FGGY: variants seen among roughly 807,000 people sequenced by gnomAD.
FGGY encodes FGGY carbohydrate kinase domain-containing protein.
Under a neutral mutation model 71.3 loss-of-function variants are expected in FGGY, and 72 were observed. The observed-to-expected ratio is 1.01, with a 90% CI of 0.84 to 1.23. The LOEUF (loss-of-function observed/expected upper bound fraction) is 1.23. Among genes scored for constraint, FGGY ranks in the 50% most tolerant of loss-of-function variants. The pLI, the probability that FGGY is intolerant of heterozygous loss-of-function variation, is 0.00. For missense variants in FGGY, 668 were observed against 682.3 expected (o/e 0.98, Z 0.23); for synonymous variants, 251 against 250.3 (o/e 1.00, Z -0.02).
chr1:59,359,517 G>A (rs1045726855), intron 4 of FGGY, among the ~76,000 whole-genome samples: 1 of 152,072 alleles, frequency 6.6e-6, no homozygotes, highest in African/African-American at 2.4e-5. Context: ...ATTCCCCTGA[G>A]GTATTTGTAG....
At chr1:59,649,323 C>A (rs1161834744) in intron 11 of FGGY, among the ~76,000 whole-genome samples, 1 of 140,398 alleles carries the variant, frequency 7.1e-6, no homozygotes, top group East Asian at 2.1e-4. Flanking sequence ...GGCATTGAAT[C>A]TGTAAATTAC....
intron 6 of FGGY, among the ~76,000 whole-genome samples, chr1:59,468,485 T>C (rs1233384059): frequency 6.6e-6 from 1 of 152,134 alleles, no homozygotes; most frequent in Non-Finnish European, 1.5e-5. Context: ...CTTAGAAAGG[T>C]TGGGCATTTC....
intron 6 of FGGY, among the ~76,000 whole-genome samples, chr1:59,486,083 C>T (rs1156361953): frequency 1.3e-5 from 2 of 152,172 alleles, no homozygotes; most frequent in African/African-American, 4.8e-5. Context: ...AGACTTAACA[C>T]TAATAAGAGG....
intron 6 of FGGY, among the ~76,000 whole-genome samples, chr1:59,468,157 C>T (rs894561670): frequency 6.6e-6 from 1 of 152,162 alleles, no homozygotes; most frequent in African/African-American, 2.4e-5. Flanking sequence ...CCCCCCTCAG[C>T]CTCCCAAAGT....
Position 59,673,981 on chromosome 1 carries a change from G to T in FGGY, c.1418-58G>T, listed in dbSNP as rs370877978. 1.2e-5 allele frequency: 18 copies of T among 1,510,916 alleles called. No homozygotes were observed. The East Asian group carries it at 3.5e-4, about 29-fold the overall frequency. 93.6% of individuals were successfully genotyped at this position (1,510,916 alleles called of 1,614,324 possible). On this transcript the variant is annotated intron_variant, in intron 13 of 15. Coordinates refer to ENST00000303721, the MANE Select transcript of FGGY (RefSeq NM_018291.5). ...TTTTTGCCACTGCGGCTGCTTGTTG[G>T]CTCCTCACACTCCCCTGGCTCTGCT...
chr1:59,301,926 G>A (rs1244176340), intron 1 of FGGY, among the ~76,000 whole-genome samples: 2 of 149,254 alleles, frequency 1.3e-5, no homozygotes, highest in Non-Finnish European at 3.0e-5. Flanking sequence ...AAGTAGAGAT[G>A]GGGTTTCTCC....
Position 59,731,976 on chromosome 1 carries a change from A to G in FGGY, c.1513-25955A>G, listed in dbSNP as rs147298746. Among the ~76,000 whole-genome samples the G allele has an allele frequency of 3.6e-3, 555 of 152,304 alleles. 6 individuals are homozygous for G. Among genetic ancestry groups the G allele is most frequent in the African/African-American group, 0.013 (527 of 41,554 alleles). On this transcript the variant is annotated intron_variant, in intron 14 of 15. Transcript: ENST00000303721. ...ATCCTGCTCTCTCATTAGCTGTGTC[A>G]TCTTGCACAGAGTAGCATCAGCCTC...
intron 5 of FGGY, among the ~76,000 whole-genome samples, chr1:59,445,657 C>T (rs7549885): frequency 1.3e-5 from 2 of 152,172 alleles, no homozygotes; most frequent in Non-Finnish European, 1.5e-5. Context: ...TCACAGCAAA[C>T]CTAAGGCAGC....
intron 14 of FGGY, among the ~76,000 whole-genome samples, chr1:59,676,227 C>G (rs1222196371): frequency 6.6e-6 from 1 of 152,042 alleles, no homozygotes; most frequent in African/African-American, 2.4e-5. Context: ...TGATAGGAAG[C>G]CAAGCTTCAG....
At chr1:59,577,894 C>G (rs2096112099) in intron 8 of FGGY, among the ~76,000 whole-genome samples, 1 of 152,110 alleles carries the variant, frequency 6.6e-6, no homozygotes, top group Non-Finnish European at 1.5e-5. Flanking sequence ...TCCACCTGCA[C>G]TCCTACCATA....
intron 11 of FGGY, among the ~76,000 whole-genome samples, chr1:59,640,900 C>T (rs1376495780): frequency 6.6e-6 from 1 of 150,816 alleles, no homozygotes; most frequent in Non-Finnish European, 1.5e-5. Flanking sequence ...ATAAGAGTAG[C>T]TAGACACAAT....
intron 1 of FGGY, among the ~76,000 whole-genome samples, chr1:59,306,396 A>G (rs376305119): frequency 2.0e-5 from 3 of 152,224 alleles, no homozygotes; most frequent in African/African-American, 7.2e-5. Context: ...TTTCAATAAA[A>G]GAACTATTGA....
intron 11 of FGGY, among the ~76,000 whole-genome samples, chr1:59,638,973 A>C (rs1355155868): frequency 2.6e-5 from 4 of 152,078 alleles, no homozygotes; most frequent in Non-Finnish European, 1.5e-5. Context: ...ACTCTCAACC[A>C]CCCCAGTTGA....
chr1:59,408,215 CATAA>C (rs1293566746), intron 5 of FGGY, among the ~76,000 whole-genome samples: 1 of 152,170 alleles, frequency 6.6e-6, no homozygotes, highest in African/African-American at 2.4e-5. Flanking sequence ...TGGGACATTG[CATAA>C]ATAGCAGATA....
chr1:59,653,980 T>A (rs2097195191), intron 11 of FGGY, among the ~76,000 whole-genome samples: 1 of 152,208 alleles, frequency 6.6e-6, no homozygotes, highest in Non-Finnish European at 1.5e-5. Flanking sequence ...AATCTCCCTA[T>A]TTTAACGTCA....
chr1:59,535,678 T>C (rs1467699947), intron 7 of FGGY, among the ~76,000 whole-genome samples: 5 of 150,296 alleles, frequency 3.3e-5, no homozygotes, highest in Non-Finnish European at 5.9e-5. Flanking sequence ...ATTAAGAATC[T>C]CACTCAAAAC....
chr1:59,656,289 G>C (rs1344308337), intron 11 of FGGY, among the ~76,000 whole-genome samples: 1 of 152,116 alleles, frequency 6.6e-6, no homozygotes, highest in Non-Finnish European at 1.5e-5. Flanking sequence ...GAACCATTCA[G>C]CCTCCAGCTA....
chr1:59,422,052 T>G (rs1265905026), intron 5 of FGGY, among the ~76,000 whole-genome samples: 1 of 152,182 alleles, frequency 6.6e-6, no homozygotes, highest in African/African-American at 2.4e-5. Context: ...AAAAAGAGAT[T>G]AGATCACTGG....
chr1:59,380,790 A>G (rs1485375941), intron 5 of FGGY, among the ~76,000 whole-genome samples: 1 of 151,528 alleles, frequency 6.6e-6, no homozygotes, highest in Non-Finnish European at 1.5e-5. Flanking sequence ...GAAGCTCTTT[A>G]GTTTAATGAG....
Sources: allele counts gnomAD v4.1 joint callset (sites outside exome capture counted in the v4.1 genomes callset), GRCh38; gene constraint gnomAD v4.1.1; transcripts MANE v1.5; gene names NCBI Gene and HGNC (gene_info 2026-07-23, HGNC 2026-07-21).